The following ALPL variants were observed in gnomAD, a reference collection of about 807,000 sequenced individuals.
ALPL encodes alkaline phosphatase, biomineralization associated.
Under a neutral mutation model 51.3 loss-of-function variants are expected in ALPL, and 42 were observed. That is an observed-to-expected ratio of 0.82 (90% confidence interval 0.64 to 1.06). The LOEUF (loss-of-function observed/expected upper bound fraction) is 1.06. Ranked by LOEUF, ALPL falls within the 50% of genes least tolerant of loss-of-function variation. ALPL has a pLI of 0.00. For synonymous variants in ALPL, 279 were observed against 296.4 expected (o/e 0.94, Z 0.60); for missense variants, 589 against 709.4 (o/e 0.83, Z 1.93).
At chr1:21,527,068 TG>T (rs1643956722) in intron 1 of ALPL, among the ~76,000 whole-genome samples, 1 of 117,054 alleles carries the variant, frequency 8.5e-6, no homozygotes, top group African/African-American at 3.0e-5. Context: ...GTTTCACTCT[TG>T]TTGCCCAGGC....
At chr1:21,532,437 C>T (rs551468047) in intron 1 of ALPL, among the ~76,000 whole-genome samples, 8 of 152,204 alleles carry the variant, frequency 5.3e-5, no homozygotes, top group East Asian at 1.9e-4. Flanking sequence ...GTGATCCGCC[C>T]GCCTCAGCCT....
intron 1 of ALPL, among the ~76,000 whole-genome samples, chr1:21,519,972 G>A (rs893502422): frequency 7.9e-5 from 12 of 152,134 alleles, no homozygotes; most frequent in African/African-American, 2.7e-4. Context: ...CAGGAGTGGT[G>A]GCTCAGCAGA....
chr1:21,515,395 G>A (rs1643775093), intron 1 of ALPL, among the ~76,000 whole-genome samples: 1 of 152,030 alleles, frequency 6.6e-6, no homozygotes, highest in African/African-American at 2.4e-5. Context: ...GATCTACCAG[G>A]TGACCCTTTT....
intron 1 of ALPL, among the ~76,000 whole-genome samples, chr1:21,520,990 A>G (rs1048883765): frequency 2.0e-5 from 3 of 151,256 alleles, no homozygotes; most frequent in African/African-American, 4.9e-5. Flanking sequence ...CCCTGCAGCA[A>G]CCTCTCCCTG....
Position 21,568,247 on chromosome 1 carries a change from G to A in ALPL, c.792G>A (p.Lys264=). ...DTWKSFKPRY[K]HSHFIWNRTE... ...GGAAGAGCTTCAAACCGAGATACAAGGTAGCCTGTGCTGGGGCCATGTGGC... is the reference window on the plus strand; with the variant it reads ...GGAAGAGCTTCAAACCGAGATACAAAGTAGCCTGTGCTGGGGCCATGTGGC... The change falls in exon 7 of 12, where the codon AAG becomes AAA. Residue 264 remains lysine, a splice_region_variant and synonymous_variant. Transcript: ENST00000374840. 6.2e-7 allele frequency: 1 copy of A among 1,614,128 alleles called. No homozygotes were observed. The highest frequency in any genetic ancestry group is 8.5e-7 in the Non-Finnish European group (1 of 1,180,016).
At chr1:21,524,590 A>T (rs944413762) in intron 1 of ALPL, among the ~76,000 whole-genome samples, 2 of 152,242 alleles carry the variant, frequency 1.3e-5, no homozygotes, top group Admixed American at 6.5e-5. Flanking sequence ...GGGTTAATCC[A>T]GAATTGGAAC....
intron 1 of ALPL, among the ~76,000 whole-genome samples, chr1:21,522,150 C>T (rs1248880680): frequency 6.6e-6 from 1 of 150,984 alleles, no homozygotes; most frequent in East Asian, 1.9e-4. Context: ...CGGCTCACTA[C>T]AAGCTCCACC....
At chr1:21,530,943 G>A (rs888959738) in intron 1 of ALPL, among the ~76,000 whole-genome samples, 1 of 136,776 alleles carries the variant, frequency 7.3e-6, no homozygotes, top group African/African-American at 2.7e-5. Context: ...ACCACATCCA[G>A]ATCATTTTTG....
intron 1 of ALPL, among the ~76,000 whole-genome samples, chr1:21,519,823 C>CAGGG (rs1487417561): frequency 2.6e-5 from 4 of 152,062 alleles, no homozygotes; most frequent in Non-Finnish European, 5.9e-5. Context: ...GATTGAGGCT[C>CAGGG]AGGGAGGGAG....
intron 5 of ALPL, 135 bp from the exon 6 acceptor site, chr1:21,563,906 G>A: frequency 8.8e-7 from 1 of 1,139,116 alleles, no homozygotes. Flanking sequence ...GCTGTGGATG[G>A]GGAGACTGAG....
intron 1 of ALPL, among the ~76,000 whole-genome samples, chr1:21,520,466 C>CTT (rs35922763): frequency 0.13 from 14,476 of 111,432 alleles, 1,581 homozygotes; most frequent in African/African-American, 0.2. Flanking sequence ...TCTTTTTTCT[C>CTT]TTTTTTTTTT....
intron 7 of ALPL, among the ~76,000 whole-genome samples, chr1:21,569,136 TG>T: frequency 6.6e-6 from 1 of 152,106 alleles, no homozygotes; most frequent in East Asian, 1.9e-4. Context: ...GTGGGGATGG[TG>T]GGGGTGTGGA....
At chr1:21,548,532 T>C (rs1212935894) in intron 1 of ALPL, among the ~76,000 whole-genome samples, 2 of 152,172 alleles carry the variant, frequency 1.3e-5, no homozygotes, top group African/African-American at 4.8e-5. Context: ...AGCTTCAGGC[T>C]AGCAGGGAGG....
chr1:21,536,891 CTTTTTTTTTTTT>C (rs10534586), intron 1 of ALPL, among the ~76,000 whole-genome samples: 2 of 79,364 alleles, frequency 2.5e-5, no homozygotes, highest in East Asian at 4.0e-4. Flanking sequence ...GGTTCCTTCC[CTTTTTTTTTTTT>C]TTTTTTTTTT....
In ALPL at chr1:21,564,062, C is replaced by T. The variant is rs753392973; in HGVS notation, c.494C>T (p.Thr165Ile). ...CCAGGGAAATCTGTGGGCATTGTGA[C>T]CACCACGAGAGTGAACCATGCCACC... ...KDAGKSVGIV[T>I]TTRVNHATPS... The change falls in exon 6 of 12, where the codon ACC (threonine) becomes ATC (isoleucine). Residue 165 changes from threonine (T) to isoleucine (I), a missense_variant. By Grantham distance (89) the Thr-to-Ile change is moderately conservative (BLOSUM62 -1). Transcript: ENST00000374840. The surrounding 1 kb of genome is among the most constrained non-coding windows in gnomAD (Gnocchi z 5.8). The T allele has an allele frequency of 4.3e-6, 7 of 1,613,876 alleles. No individual in the cohort carries two copies. Among genetic ancestry groups the T allele is most frequent in the Non-Finnish European group, 5.9e-6 (7 of 1,180,004 alleles).
chr1:21,539,468 C>T (rs942909292), intron 1 of ALPL, among the ~76,000 whole-genome samples: 4 of 152,016 alleles, frequency 2.6e-5, no homozygotes, highest in African/African-American at 9.7e-5. Context: ...CATCAGTTGC[C>T]GCAAATCACT....
intron 6 of ALPL, among the ~76,000 whole-genome samples, chr1:21,565,115 C>T (rs1570278913): frequency 6.6e-6 from 1 of 152,210 alleles, no homozygotes; most frequent in East Asian, 1.9e-4. Flanking sequence ...CTACACCTCA[C>T]CTCTTTCTCT....
At chr1:21,523,140 A>G (rs1643900600) in intron 1 of ALPL, among the ~76,000 whole-genome samples, 1 of 152,066 alleles carries the variant, frequency 6.6e-6, no homozygotes, top group Non-Finnish European at 1.5e-5. Context: ...ACAAAACATT[A>G]TAGCCAGATG....
chr1:21,563,895 T>A, intron 5 of ALPL, 146 bp from the exon 6 acceptor site: 2 of 1,027,820 alleles, frequency 1.9e-6, no homozygotes, highest in South Asian at 3.0e-5. Context: ...AGACACCTGC[T>A]GCTGTGGATG....
Sources: gnomAD v4.1 joint callset for allele counts (sites outside exome capture counted in the v4.1 genomes callset) on GRCh38, gnomAD v4.1.1 for gene constraint, Gnocchi (gnomAD v3.1) non-coding constraint, MANE v1.5 for transcripts, NCBI Gene and HGNC (gene_info 2026-07-23, HGNC 2026-07-21) for gene names.